CDH13: variants seen among roughly 807,000 people sequenced by gnomAD.
The protein encoded by CDH13 is cadherin-13.
CDH13 carries 24 observed loss-of-function variants against 63.8 expected under a neutral mutation model. The ratio of observed to expected loss-of-function variants is 0.38; its 90% CI spans 0.27 to 0.53. The LOEUF (loss-of-function observed/expected upper bound fraction) is 0.53. CDH13 is among the 20% of genes least tolerant of loss of function. CDH13 has a pLI of 0.85. For synonymous variants in CDH13, 503 were observed against 355.3 expected (o/e 1.42, Z -4.67); for missense variants, 1,049 against 903.1 (o/e 1.16, Z -2.07).
intron 1 of CDH13, among the ~76,000 whole-genome samples, chr16:82,701,585 T>A (rs942725385): frequency 2.6e-5 from 4 of 152,190 alleles, no homozygotes; most frequent in African/African-American, 9.6e-5. Context: ...ATGTCCTATT[T>A]GCTTTTTCTG....
intron 10 of CDH13, among the ~76,000 whole-genome samples, chr16:83,704,734 C>A (rs1447981895): frequency 1.3e-5 from 2 of 152,170 alleles, no homozygotes; most frequent in East Asian, 3.8e-4. Flanking sequence ...TTTCACCAAA[C>A]TGAACTCTAT....
At chr16:82,856,662 C>T (rs1181590064) in intron 1 of CDH13, among the ~76,000 whole-genome samples, 1 of 115,382 alleles carries the variant, frequency 8.7e-6, no homozygotes, top group Non-Finnish European at 1.6e-5. Flanking sequence ...CAGTTGCACT[C>T]CAGCCTGGGC....
chr16:82,660,095 T>A (rs1911759008), intron 1 of CDH13, among the ~76,000 whole-genome samples: 1 of 152,158 alleles, frequency 6.6e-6, no homozygotes, highest in Admixed American at 6.5e-5. Flanking sequence ...AAGCAGAAAG[T>A]AATACTGCAT....
At chr16:82,698,357 T>C (rs2030580235) in intron 1 of CDH13, among the ~76,000 whole-genome samples, 1 of 152,194 alleles carries the variant, frequency 6.6e-6, no homozygotes, top group South Asian at 2.1e-4. Flanking sequence ...GGGTACTCTC[T>C]GTAGATGGTG....
chr16:83,179,382 G>A (rs1025035398), intron 4 of CDH13, among the ~76,000 whole-genome samples: 2 of 150,788 alleles, frequency 1.3e-5, no homozygotes, highest in Admixed American at 1.3e-4. Flanking sequence ...GGTGGCTCAC[G>A]CCTGGAATCC....
intron 2 of CDH13, among the ~76,000 whole-genome samples, chr16:82,939,894 G>T (rs1002013192): frequency 6.6e-6 from 1 of 152,072 alleles, no homozygotes; most frequent in Non-Finnish European, 1.5e-5. Context: ...ACATGCCCTC[G>T]ACTGGGTAAT....
chr16:83,343,318 A>G (rs1050105895), intron 5 of CDH13, among the ~76,000 whole-genome samples: 1 of 152,206 alleles, frequency 6.6e-6, no homozygotes, highest in Non-Finnish European at 1.5e-5. Context: ...GTAGATCAAT[A>G]AAGTTTAAAA....
At chr16:82,890,386 C>T (rs1269453015) in intron 2 of CDH13, among the ~76,000 whole-genome samples, 4 of 152,192 alleles carry the variant, frequency 2.6e-5, no homozygotes, top group African/African-American at 9.7e-5. Flanking sequence ...CCTCAGCCTT[C>T]TTGGAAGGCC....
intron 6 of CDH13, among the ~76,000 whole-genome samples, chr16:83,424,150 G>T (rs1351010607): frequency 6.6e-6 from 1 of 152,110 alleles, no homozygotes; most frequent in Admixed American, 6.5e-5. Flanking sequence ...ATCCAACATG[G>T]ACTGAAAAGT....
chr16:82,864,701 C>G (rs770207629), intron 2 of CDH13, among the ~76,000 whole-genome samples: 2 of 152,246 alleles, frequency 1.3e-5, no homozygotes, highest in East Asian at 1.9e-4. Context: ...TGACACAGAG[C>G]CAGACCATGT....
chr16:83,445,745 A>T (rs562850475), intron 6 of CDH13, among the ~76,000 whole-genome samples: 1 of 152,312 alleles, frequency 6.6e-6, no homozygotes, highest in South Asian at 2.1e-4. Flanking sequence ...ATTCAGTTAG[A>T]AGATCTGATA....
intron 1 of CDH13, among the ~76,000 whole-genome samples, chr16:82,693,532 G>A (rs1245409548): frequency 6.6e-6 from 1 of 152,134 alleles, no homozygotes; most frequent in Non-Finnish European, 1.5e-5. Context: ...CTGTATTAAT[G>A]TATGCTGCAT....
At position 83,670,721 on chromosome 16, in the gene CDH13, A is replaced by G. The variant is rs1422448065; in HGVS notation, c.1102-69A>G. The G allele has an allele frequency of 2.2e-5, 31 of 1,378,426 alleles. No individual in the cohort carries two copies. The South Asian group carries it at 2.9e-4, about 13-fold the overall frequency. The allele number at this position is 1,378,426 out of a possible 1,614,324, so 85.4% of individuals were successfully genotyped here. ...TGAGATGATGTGTGTAACATACCCAATGCAAAGCATGTAGTAAATGACTAT... is the reference window on the plus strand; with the variant it reads ...TGAGATGATGTGTGTAACATACCCAGTGCAAAGCATGTAGTAAATGACTAT... On this transcript the variant is annotated intron_variant, in intron 8 of 13. Coordinates refer to ENST00000567109, the MANE Select transcript of CDH13 (RefSeq NM_001257.5).
At chr16:83,224,311 CAT>C (rs1378856449) in intron 5 of CDH13, among the ~76,000 whole-genome samples, 10 of 152,322 alleles carry the variant, frequency 6.6e-5, no homozygotes, top group East Asian at 1.9e-4. Context: ...CTGCTATAAA[CAT>C]GTGTGTGCAA....
chr16:83,629,392 A>C (rs1421349627), intron 8 of CDH13, among the ~76,000 whole-genome samples: 9 of 152,220 alleles, frequency 5.9e-5, no homozygotes, highest in African/African-American at 2.2e-4. Context: ...CTGTTATTTT[A>C]TAAATGAATT....
At chr16:83,342,671 T>C (rs1412557187) in intron 5 of CDH13, among the ~76,000 whole-genome samples, 3 of 152,172 alleles carry the variant, frequency 2.0e-5, no homozygotes, top group Non-Finnish European at 4.4e-5. Flanking sequence ...TTAAGATGGA[T>C]CTGTTGTCTG....
rs183682603 is a variant in CDH13 at position 83,565,918 on chromosome 16, G to A, written c.961-36536G>A. Among the ~76,000 whole-genome samples the A allele has an allele frequency of 3.1e-3, 475 of 152,266 alleles. 3 individuals are homozygous for A. Among genetic ancestry groups the A allele is most frequent in the African/African-American group, 0.011 (454 of 41,552 alleles). On this transcript the variant is annotated intron_variant, in intron 7 of 13. Coordinates refer to ENST00000567109, the MANE Select transcript of CDH13 (RefSeq NM_001257.5). ...TCTTTTGTGATACCAGTTTGTAAAT[G>A]TGTAACTTGTCTGATCTTTCTTCTT...
intron 10 of CDH13, among the ~76,000 whole-genome samples, chr16:83,707,097 C>T (rs926565501): frequency 6.6e-6 from 1 of 152,144 alleles, no homozygotes; most frequent in Non-Finnish European, 1.5e-5. Context: ...AAGAAGGATA[C>T]AAGATGGAAA....
At chr16:83,044,580 C>T (rs936348426) in intron 3 of CDH13, among the ~76,000 whole-genome samples, 6 of 152,150 alleles carry the variant, frequency 3.9e-5, no homozygotes, top group African/African-American at 1.4e-4. Context: ...CTTCATAGTC[C>T]CATAGGCTAG....
Sources: gnomAD v4.1 joint callset for allele counts (sites outside exome capture counted in the v4.1 genomes callset) on GRCh38, gnomAD v4.1.1 for gene constraint, MANE v1.5 for transcripts, NCBI Gene and HGNC (gene_info 2026-07-23, HGNC 2026-07-21) for gene names.